LARP1B: variants seen among roughly 807,000 people sequenced by gnomAD.
LARP1B encodes the protein La ribonucleoprotein 1B.
LARP1B carries 76 observed loss-of-function variants against 114.2 expected under a neutral mutation model. The ratio of observed to expected loss-of-function variants is 0.67; its 90% CI spans 0.55 to 0.81. The LOEUF (loss-of-function observed/expected upper bound fraction) is 0.81, where lower values mean the gene tolerates loss of function less well. LARP1B is among the 30% of genes least tolerant of loss of function. The pLI is 0.00. For synonymous variants in LARP1B, 345 were observed against 348.0 expected (o/e 0.99, Z 0.10); for missense variants, 1,014 against 1,075.8 (o/e 0.94, Z 0.80).
intron 11 of LARP1B, chr4:128,123,481 C>A: frequency 1.3e-6 from 1 of 750,436 alleles, no homozygotes. Flanking sequence ...TCCCTTTACC[C>A]AGCTTTGTTT....
intron 11 of LARP1B, among the ~76,000 whole-genome samples, chr4:128,159,000 T>C (rs939097149): frequency 7.2e-6 from 1 of 139,358 alleles, no homozygotes; most frequent in African/African-American, 2.9e-5. Flanking sequence ...TGAGACTTCA[T>C]CTCTTAAAAA....
At chr4:128,195,054 G>T (rs1227442776) in intron 15 of LARP1B, among the ~76,000 whole-genome samples, 1 of 151,790 alleles carries the variant, frequency 6.6e-6, no homozygotes, top group Non-Finnish European at 1.5e-5. Flanking sequence ...TTTTCTTTTT[G>T]TGTGTCTTAT....
intron 11 of LARP1B, among the ~76,000 whole-genome samples, chr4:128,153,419 C>T (rs183149427): frequency 1.4e-4 from 22 of 152,154 alleles, no homozygotes; most frequent in Admixed American, 7.2e-4. Flanking sequence ...CGGATTCAAG[C>T]GATTCTTCTG....
chr4:128,136,051 C>T (rs746232254), intron 11 of LARP1B, among the ~76,000 whole-genome samples: 4 of 151,910 alleles, frequency 2.6e-5, no homozygotes, highest in African/African-American at 4.8e-5. Context: ...CCACCACTTT[C>T]GGAGGCCAAG....
At chr4:128,194,214 A>G (rs545020033) in intron 15 of LARP1B, among the ~76,000 whole-genome samples, 1 of 151,958 alleles carries the variant, frequency 6.6e-6, no homozygotes, top group South Asian at 2.1e-4. Flanking sequence ...CTGGGATTAC[A>G]GGTGCCCGCT....
In LARP1B at chr4:128,199,450, C is replaced by A. The variant is rs374238188; in HGVS notation, c.2015C>A (p.Ala672Asp). The A allele has an allele frequency of 6.5e-6, 10 of 1,533,814 alleles. No individual in the cohort carries two copies. Among genetic ancestry groups the A allele is most frequent in the South Asian group, 1.3e-5 (1 of 74,796 alleles). Residue 672 changes from alanine (A) to aspartate (D), a missense_variant, in exon 16 of 20, where the codon GCT (alanine) becomes GAT (aspartate). By Grantham distance (126) the Ala-to-Asp change is moderately radical. Coordinates refer to ENST00000326639, the MANE Select transcript of LARP1B (RefSeq NM_018078.4). ...PGTSSVSTSN[A>D]SPSEGAPLAG... ...CCTTTCTCAAACAGCACTTCAAATG[C>A]TTCACCTTCAGAAGGCGCACCACTA...
chr4:128,178,658 A>G lies in LARP1B; in HGVS notation c.1896+16A>G. The G allele has an allele frequency of 3.2e-6, 5 of 1,563,230 alleles. No homozygotes were observed. Among genetic ancestry groups the G allele is most frequent in the Non-Finnish European group, 4.4e-6 (5 of 1,134,884 alleles). The stretch of plus-strand genomic sequence containing the variant: ...TGATGTAAAGGTATACAAAACAACC[A>G]GGAATATAAGGCTTGCATTTTGTAT... On this transcript the variant is annotated intron_variant, in intron 14 of 19. Coordinates refer to ENST00000326639, the MANE Select transcript of LARP1B (RefSeq NM_018078.4).
intron 11 of LARP1B, among the ~76,000 whole-genome samples, chr4:128,154,998 T>C (rs1734794970): frequency 6.6e-6 from 1 of 152,150 alleles, no homozygotes; most frequent in African/African-American, 2.4e-5. Context: ...CCTCTCGAAC[T>C]CTTGACATCA....
intron 5 of LARP1B, among the ~76,000 whole-genome samples, chr4:128,088,833 G>A (rs1774717003): frequency 1.3e-5 from 2 of 152,002 alleles, no homozygotes; most frequent in Non-Finnish European, 2.9e-5. Flanking sequence ...GGACGCAGTG[G>A]TGCACACCTG....
Position 128,211,374 on chromosome 4 carries a change from T to A in LARP1B, c.*1321T>A, listed in dbSNP as rs775264568. 1 of 934,884 alleles carries A rather than the reference T, an allele frequency of 1.1e-6. No homozygotes were observed. The highest frequency in any genetic ancestry group is 1.8e-5 in the African/African-American group (1 of 56,244). The allele number at this position is 934,884 out of a possible 1,614,324, so 57.9% of individuals were successfully genotyped here. On this transcript the variant is annotated 3_prime_UTR_variant, in exon 20 of 20. Transcript: ENST00000326639. ...GAGCAGATTGGATATCTTGTTCTTA[T>A]AAATTATAATATTGAAATACATATA... is the stretch of plus-strand genomic sequence containing the variant.
chr4:128,131,703 G>A (rs1791626262), intron 11 of LARP1B, among the ~76,000 whole-genome samples: 1 of 152,158 alleles, frequency 6.6e-6, no homozygotes, highest in Admixed American at 6.5e-5. Flanking sequence ...GAGCAATCAA[G>A]CAAGTCCCTG....
At chr4:128,092,050 G>A (rs1776112745) in intron 7 of LARP1B, among the ~76,000 whole-genome samples, 1 of 152,208 alleles carries the variant, frequency 6.6e-6, no homozygotes, top group Admixed American at 6.5e-5. Flanking sequence ...GGCTTCTATA[G>A]TATTTAGATA....
intron 15 of LARP1B, among the ~76,000 whole-genome samples, chr4:128,198,475 T>C (rs752106553): frequency 2.6e-5 from 4 of 152,220 alleles, no homozygotes; most frequent in Non-Finnish European, 5.9e-5. Flanking sequence ...ACTGGAATTG[T>C]TTTATTTTTT....
At chr4:128,140,368 C>T (rs1445960349) in intron 11 of LARP1B, among the ~76,000 whole-genome samples, 2 of 152,146 alleles carry the variant, frequency 1.3e-5, no homozygotes, top group African/African-American at 4.8e-5. Context: ...TTGCCATACA[C>T]ATCTTTATGA....
Position 128,211,298 on chromosome 4 carries a change from T to A in LARP1B, c.*1245T>A. 3.1e-6 allele frequency: 3 copies of A among 969,882 alleles called. No individual in the cohort carries two copies. The highest frequency in any genetic ancestry group is 3.7e-6 in the Non-Finnish European group (3 of 815,752). The allele number at this position is 969,882 out of a possible 1,614,324, so 60.1% of individuals were successfully genotyped here. On this transcript the variant is annotated 3_prime_UTR_variant, in exon 20 of 20. Transcript: ENST00000326639. ...CATAATTTACAGATATTTTGTTGTA[T>A]TGGCAAAAGCAAGTGGTTTCCATAT... is the stretch of plus-strand genomic sequence containing the variant.
At chr4:128,069,625 G>C in intron 1 of LARP1B, 1 of 651,522 alleles carries the variant, frequency 1.5e-6, no homozygotes, top group East Asian at 2.7e-5. Flanking sequence ...TGGCTTACCT[G>C]ATGGCTGCTG....
chr4:128,160,358 T>C (rs938096047), intron 11 of LARP1B, among the ~76,000 whole-genome samples: 25 of 152,270 alleles, frequency 1.6e-4, no homozygotes, highest in African/African-American at 6.0e-4. Context: ...ACCTACTGTA[T>C]TGAAGGTGTA....
intron 12 of LARP1B, among the ~76,000 whole-genome samples, chr4:128,166,993 T>TATAC (rs775724221): frequency 2.5e-4 from 35 of 138,374 alleles, no homozygotes; most frequent in Non-Finnish European, 3.2e-4. Context: ...TATATATATA[T>TATAC]ACACACACAC....
intron 17 of LARP1B, among the ~76,000 whole-genome samples, chr4:128,203,319 CT>C (rs1173272573): frequency 4.0e-4 from 57 of 141,748 alleles, no homozygotes; most frequent in African/African-American, 1.5e-3. Context: ...GATTCCCTCT[CT>C]CCCTCCCTCC....
Sources: gnomAD v4.1 joint callset for allele counts (sites outside exome capture counted in the v4.1 genomes callset) on GRCh38, gnomAD v4.1.1 for gene constraint, MANE v1.5 for transcripts, NCBI Gene and HGNC (gene_info 2026-07-23, HGNC 2026-07-21) for gene names.